Variants in MCOLN2 observed in about 807,000 individuals in gnomAD.
The protein encoded by MCOLN2 is mucolipin TRP cation channel 2.
Under a neutral mutation model 67.5 loss-of-function variants are expected in MCOLN2, and 57 were observed. The observed-to-expected ratio is 0.84, with a 90% CI of 0.68 to 1.05. MCOLN2 has a LOEUF of 1.05. Ranked by LOEUF, MCOLN2 falls within the 50% of genes least tolerant of loss-of-function variation. The pLI is 0.00. For synonymous variants in MCOLN2, 246 were observed against 233.3 expected (o/e 1.05, Z -0.50); for missense variants, 620 against 678.8 (o/e 0.91, Z 0.96).
intron 1 of MCOLN2, among the ~76,000 whole-genome samples, chr1:84,989,522 G>C (rs1195098010): frequency 6.6e-6 from 1 of 151,420 alleles, no homozygotes; most frequent in Admixed American, 6.6e-5. Flanking sequence ...TATCCATTTG[G>C]GAAAGAGAAA....
chr1:84,986,543 CAAA>C (rs570093444), intron 1 of MCOLN2, among the ~76,000 whole-genome samples: 3 of 49,432 alleles, frequency 6.1e-5, no homozygotes, highest in African/African-American at 8.0e-5. Context: ...AACTCCATCT[CAAA>C]AAAAAAAAAA....
intron 6 of MCOLN2, among the ~76,000 whole-genome samples, chr1:84,947,860 T>C (rs1013336412): frequency 6.6e-6 from 1 of 152,238 alleles, no homozygotes; most frequent in Non-Finnish European, 1.5e-5. Flanking sequence ...TGCAACACCA[T>C]GACACTGGCT....
At chr1:84,962,094 G>A (rs1218445527) in intron 2 of MCOLN2, among the ~76,000 whole-genome samples, 1 of 152,202 alleles carries the variant, frequency 6.6e-6, no homozygotes, top group Admixed American at 6.5e-5. Flanking sequence ...AGGTGATCAA[G>A]AAATCTGCTC....
chr1:84,933,050 C>G (rs771386423), intron 11 of MCOLN2, among the ~76,000 whole-genome samples: 5 of 152,204 alleles, frequency 3.3e-5, no homozygotes, highest in Admixed American at 6.5e-5. Flanking sequence ...TCCTCCAACA[C>G]CAGGCCCATC....
chr1:84,930,542 C>A (rs1470279976), intron 12 of MCOLN2, among the ~76,000 whole-genome samples: 1 of 152,102 alleles, frequency 6.6e-6, no homozygotes, highest in Non-Finnish European at 1.5e-5. Flanking sequence ...AGACATGAAT[C>A]TCTGTGGCAG....
chr1:84,967,841 G>A (rs1649461585), intron 1 of MCOLN2, among the ~76,000 whole-genome samples: 1 of 140,182 alleles, frequency 7.1e-6, no homozygotes, highest in Non-Finnish European at 1.6e-5. Context: ...AGGGAAGGAA[G>A]AAGGGAGAGA....
intron 1 of MCOLN2, among the ~76,000 whole-genome samples, chr1:84,989,745 G>A (rs1313291502): frequency 6.6e-6 from 1 of 152,054 alleles, no homozygotes; most frequent in African/African-American, 2.4e-5. Context: ...AGAAAAATGT[G>A]CAATATATTT....
chr1:84,950,345 A>G (rs1648358105), intron 6 of MCOLN2, among the ~76,000 whole-genome samples: 1 of 152,330 alleles, frequency 6.6e-6, no homozygotes, highest in Non-Finnish European at 1.5e-5. Context: ...AGGAATAAAA[A>G]CCAAAATTAA....
chr1:84,940,303 A>G (rs1347806787), intron 8 of MCOLN2, among the ~76,000 whole-genome samples: 1 of 152,194 alleles, frequency 6.6e-6, no homozygotes, highest in Non-Finnish European at 1.5e-5. Context: ...GTGGACTTCC[A>G]ATTTCCCCTG....
At chr1:84,957,057 A>C (rs1648833936) in intron 3 of MCOLN2, among the ~76,000 whole-genome samples, 1 of 152,166 alleles carries the variant, frequency 6.6e-6, no homozygotes, top group African/African-American at 2.4e-5. Flanking sequence ...GAAAATTGCA[A>C]ACATATATCA....
chr1:84,951,145 T>C (rs560503377), intron 6 of MCOLN2, among the ~76,000 whole-genome samples: 1 of 152,282 alleles, frequency 6.6e-6, no homozygotes, highest in Non-Finnish European at 1.5e-5. Context: ...CAACCTGTAG[T>C]TACTTTTATT....
intron 7 of MCOLN2, among the ~76,000 whole-genome samples, chr1:84,941,541 G>A (rs1362974742): frequency 6.6e-6 from 1 of 152,106 alleles, no homozygotes; most frequent in South Asian, 2.1e-4. Context: ...AACTATGTGA[G>A]CTGCTAATAA....
intron 1 of MCOLN2, among the ~76,000 whole-genome samples, chr1:84,991,949 C>T (rs931995135): frequency 6.6e-6 from 1 of 152,148 alleles, no homozygotes; most frequent in African/African-American, 2.4e-5. Flanking sequence ...TTTTCTTTCT[C>T]CAATATTTTC....
At chr1:84,984,072 T>C (rs1033562306) in intron 1 of MCOLN2, among the ~76,000 whole-genome samples, 1 of 152,240 alleles carries the variant, frequency 6.6e-6, no homozygotes, top group Non-Finnish European at 1.5e-5. Flanking sequence ...TTAGCTCTTA[T>C]ATCTGCTCCC....
intron 6 of MCOLN2, 104 bp downstream of exon 6, chr1:84,952,139 A>T: frequency 1.4e-6 from 1 of 699,116 alleles, no homozygotes; most frequent in Admixed American, 2.8e-5. Context: ...TTTAAACATG[A>T]CTGCATTTAA....
At chr1:84,993,917 A>C (rs1181729214) in intron 1 of MCOLN2, among the ~76,000 whole-genome samples, 2 of 152,078 alleles carry the variant, frequency 1.3e-5, no homozygotes, top group Non-Finnish European at 2.9e-5. Flanking sequence ...GGTGTGAGCC[A>C]CCGCGCCCGG....
rs879264635 is a variant in MCOLN2, at chr1:84,937,877, C to A, written c.1213G>T (p.Val405Leu). ...RYLGYFQAYN[V>L]LILTMQASLP... is the part of the protein sequence containing the mutation. ...GAGGCCTGCATTGTTAAAATCAGCA[C>A]CTGAAAAAAAGAACAGAATGGGTGA... The change falls in exon 11 of 14, where the codon GTG becomes TTG. Residue 405 changes from valine to leucine, a missense_variant and splice_region_variant. Val to Leu is a conservative substitution (Grantham distance 32, BLOSUM62 1). Coordinates refer to ENST00000370608, the MANE Select transcript of MCOLN2 (RefSeq NM_153259.4). 4 of 1,613,334 alleles carry A rather than the reference C, an allele frequency of 2.5e-6. No individual in the cohort carries two copies. Among genetic ancestry groups the A allele is most frequent in the Non-Finnish European group, 3.4e-6 (4 of 1,179,818 alleles).
chr1:84,956,642 G>T, intron 3 of MCOLN2, 58 bp from the exon 4 acceptor site: 1 of 1,407,796 alleles, frequency 7.1e-7, no homozygotes. Flanking sequence ...TTGATCAGAG[G>T]TTATAGCATA....
intron 12 of MCOLN2, among the ~76,000 whole-genome samples, chr1:84,930,233 A>G (rs1237813094): frequency 1.3e-5 from 2 of 151,994 alleles, no homozygotes; most frequent in African/African-American, 4.8e-5. Context: ...ACTGTCCTCC[A>G]GCCTGGGAAA....
Sources: gnomAD v4.1 joint callset for allele counts (sites outside exome capture counted in the v4.1 genomes callset) on GRCh38, gnomAD v4.1.1 for gene constraint, MANE v1.5 for transcripts, NCBI Gene and HGNC (gene_info 2026-07-23, HGNC 2026-07-21) for gene names.